MAPK10: variants seen among roughly 807,000 people sequenced by gnomAD.
MAPK10 encodes the protein mitogen-activated protein kinase 10.
Under a neutral mutation model 59.3 loss-of-function variants are expected in MAPK10, and 25 were observed. The ratio of observed to expected loss-of-function variants is 0.42; its 90% CI spans 0.31 to 0.59. The LOEUF (loss-of-function observed/expected upper bound fraction) is 0.59, where lower values mean the gene tolerates loss of function less well. MAPK10 is among the 20% of genes least tolerant of loss of function. The pLI is 0.15. For missense variants in MAPK10, 351 were observed against 568.9 expected, an observed-to-expected ratio of 0.62 and a Z score of 3.90; for synonymous variants, 190 against 200.5, an observed-to-expected ratio of 0.95 and a Z score of 0.44.
At chr4:86,265,752 G>A (rs542131829) in intron 2 of MAPK10, among the ~76,000 whole-genome samples, 56 of 152,096 alleles carry the variant, frequency 3.7e-4, no homozygotes, top group Non-Finnish European at 6.5e-4. Flanking sequence ...AGCACAAATC[G>A]AGAGCCACAT....
At chr4:86,272,022 T>C (rs1350582187) in intron 2 of MAPK10, among the ~76,000 whole-genome samples, 1 of 152,028 alleles carries the variant, frequency 6.6e-6, no homozygotes, top group East Asian at 1.9e-4. Flanking sequence ...CCAGTGTCTA[T>C]TGTGGCCATC....
chr4:86,277,645 G>GT (rs1478161369), intron 2 of MAPK10, among the ~76,000 whole-genome samples: 1 of 152,098 alleles, frequency 6.6e-6, no homozygotes, highest in African/African-American at 2.4e-5. Context: ...TGCAAGCAAA[G>GT]TTACACAGAG....
rs532385426 is a variant in MAPK10 at position 86,350,976 on chromosome 4, A to AT, written c.-7+3553dup. ...AATCAGGTGGTTGTTATTTCTTTGC[A>AT]TTTTTTTGCAGGCATCGTATCTATT... On this transcript the variant is annotated intron_variant, in intron 2 of 13. Transcript: ENST00000641462. Among the ~76,000 whole-genome samples, 144 of 152,094 alleles carry AT rather than the reference A, an allele frequency of 9.5e-4. 1 individual carries two copies. The East Asian group carries it at 0.018, about 19-fold the overall frequency.
chr4:86,359,690 G>A lies in MAPK10; in HGVS notation c.-154C>T, dbSNP rs1184058505. 2 of 985,598 alleles carry A rather than the reference G, an allele frequency of 2.0e-6. No individual in the cohort carries two copies. The highest frequency in any genetic ancestry group is 1.7e-5 in the African/African-American group (1 of 57,146). 61.1% of individuals were successfully genotyped at this position (985,598 alleles called of 1,614,324 possible). A position where few individuals can be genotyped will look rare whatever the true frequency, so the allele number is the denominator to read the frequency against. On this transcript the variant is annotated 5_prime_UTR_variant, in exon 1 of 14. Transcript: ENST00000641462. Reference sequence around the variant, plus strand: ...TGCCTGAGAACTACGATCCTGATCCGGCAGTGTTTGCCCCAGAAATCCTCC... The same window carrying A: ...TGCCTGAGAACTACGATCCTGATCCAGCAGTGTTTGCCCCAGAAATCCTCC...
rs188348370 is a variant in MAPK10 at position 86,055,407 on chromosome 4, A to T, written c.1110+8859T>A. Among the ~76,000 whole-genome samples, 33 of 150,024 alleles carry T rather than the reference A, an allele frequency of 2.2e-4. No homozygotes were observed. The East Asian group carries it at 5.8e-3, about 26-fold the overall frequency. ...AAATCTTTTTGAGAATAAGCCCTTT[A>T]TAAAAACCTCCAAATAGGTCTTTCC... On this transcript the variant is annotated intron_variant, in intron 11 of 13. Coordinates refer to ENST00000641462, the MANE Select transcript of MAPK10 (RefSeq NM_138982.4).
chr4:86,433,880 C>T (rs1285876935), intron 1 of MAPK10, among the ~76,000 whole-genome samples: 1 of 152,114 alleles, frequency 6.6e-6, no homozygotes. Flanking sequence ...AGGGAGCTAC[C>T]ACTCCCATTT....
At chr4:86,583,855 C>T (rs1242633032) in intron 1 of MAPK10, among the ~76,000 whole-genome samples, 1 of 152,118 alleles carries the variant, frequency 6.6e-6, no homozygotes, top group Non-Finnish European at 1.5e-5. Context: ...TTTATCTTAT[C>T]TAAATTGAGG....
intron 1 of MAPK10, among the ~76,000 whole-genome samples, chr4:86,421,295 G>A (rs1746509734): frequency 6.6e-6 from 1 of 151,884 alleles, no homozygotes; most frequent in South Asian, 2.1e-4. Flanking sequence ...TTGGATTAGT[G>A]GGCACTGTGC....
At chr4:86,284,475 T>C (rs905060503) in intron 2 of MAPK10, among the ~76,000 whole-genome samples, 18 of 152,198 alleles carry the variant, frequency 1.2e-4, no homozygotes, top group African/African-American at 4.3e-4. Flanking sequence ...TTCATAGCTA[T>C]CAGCTTCGAT....
chr4:86,417,151 A>G (rs1255710186), intron 1 of MAPK10, among the ~76,000 whole-genome samples: 1 of 152,164 alleles, frequency 6.6e-6, no homozygotes, highest in African/African-American at 2.4e-5. Flanking sequence ...TCTTTTATAC[A>G]TTTATATTTG....
At chr4:86,548,475 G>C (rs1472122791) in intron 1 of MAPK10, among the ~76,000 whole-genome samples, 3 of 152,130 alleles carry the variant, frequency 2.0e-5, no homozygotes, top group African/African-American at 4.8e-5. Flanking sequence ...TTGGATCTCT[G>C]TCCCCACTAA....
intron 2 of MAPK10, among the ~76,000 whole-genome samples, chr4:86,206,249 T>C (rs1423178890): frequency 6.7e-6 from 1 of 150,036 alleles, no homozygotes; most frequent in East Asian, 2.0e-4. Flanking sequence ...CCTGTGTCCG[T>C]GTGTTCGCAT....
chr4:86,181,263 T>C (rs2076886984), intron 3 of MAPK10, among the ~76,000 whole-genome samples: 1 of 152,058 alleles, frequency 6.6e-6, no homozygotes, highest in Admixed American at 6.6e-5. Flanking sequence ...AACGAGTAGA[T>C]AAGGAGCCAA....
At chr4:86,539,481 C>G (rs750852061) in intron 1 of MAPK10, among the ~76,000 whole-genome samples, 2 of 152,050 alleles carry the variant, frequency 1.3e-5, no homozygotes, top group Non-Finnish European at 2.9e-5. Context: ...CTTTTAGAAA[C>G]CCTTGGTCGC....
At chr4:86,571,789 T>C (rs1761479609) in intron 1 of MAPK10, among the ~76,000 whole-genome samples, 1 of 152,150 alleles carries the variant, frequency 6.6e-6, no homozygotes, top group Non-Finnish European at 1.5e-5. Context: ...CTATGGTAAA[T>C]GTATGTGTAA....
intron 1 of MAPK10, among the ~76,000 whole-genome samples, chr4:86,415,878 G>T (rs1745801956): frequency 6.6e-6 from 1 of 152,168 alleles, no homozygotes; most frequent in African/African-American, 2.4e-5. Flanking sequence ...GCATCTTATA[G>T]CAGTATAGTA....
At chr4:86,218,133 TA>T (rs1306492651) in intron 2 of MAPK10, among the ~76,000 whole-genome samples, 3 of 152,168 alleles carry the variant, frequency 2.0e-5, no homozygotes, top group Non-Finnish European at 2.9e-5. Flanking sequence ...AACTCAAAAA[TA>T]AAAGGCCAAA....
At chr4:86,206,266 A>G (rs1032672387) in intron 2 of MAPK10, among the ~76,000 whole-genome samples, 2 of 151,538 alleles carry the variant, frequency 1.3e-5, no homozygotes, top group East Asian at 3.9e-4. Context: ...GCATTGTTCA[A>G]TTCCCACCTA....
At chr4:86,574,228 C>T (rs534781407) in intron 1 of MAPK10, among the ~76,000 whole-genome samples, 42 of 151,918 alleles carry the variant, frequency 2.8e-4, no homozygotes, top group Middle Eastern at 6.8e-3. Context: ...CTACAAAGGA[C>T]ATGAACTCAT....
Sources: allele counts gnomAD v4.1 joint callset (sites outside exome capture counted in the v4.1 genomes callset), GRCh38; gene constraint gnomAD v4.1.1; transcripts MANE v1.5; gene names NCBI Gene and HGNC (gene_info 2026-07-23, HGNC 2026-07-21).